BBS12: variants seen among roughly 807,000 people sequenced by gnomAD.
BBS12 encodes chaperonin-containing T-complex member BBS12.
In BBS12, 5 loss-of-function variants were observed where a neutral mutation model predicts 5.6. That is an observed-to-expected ratio of 0.89 (90% CI 0.46 to 1.86). BBS12 has a LOEUF of 1.86. Ranked by LOEUF, BBS12 falls within the 40% of genes most tolerant of loss-of-function variation. BBS12 has a pLI of 0.01. For synonymous variants in BBS12, 308 were observed against 306.8 expected (o/e 1.00, Z -0.04); for missense variants, 748 against 830.4 (o/e 0.90, Z 1.22).
intron 1 of BBS12, among the ~76,000 whole-genome samples, chr4:122,736,209 C>A (rs1449711939): frequency 2.0e-5 from 3 of 152,036 alleles, no homozygotes; most frequent in African/African-American, 7.2e-5. Context: ...AATGGGTAGG[C>A]CTTGCAAGAT....
the BBS12 span, among the ~76,000 whole-genome samples, chr4:122,725,187 C>T: frequency 2.0e-5 from 3 of 152,004 alleles, no homozygotes; most frequent in African/African-American, 7.3e-5. Flanking sequence ...GATCATACTG[C>T]CAAAAGCAAT....
the BBS12 span, among the ~76,000 whole-genome samples, chr4:122,708,430 G>C: frequency 6.6e-6 from 1 of 152,090 alleles, no homozygotes; most frequent in African/African-American, 2.4e-5. Context: ...CTGGACACCA[G>C]CATACACACT....
At chr4:122,726,508 A>C in the BBS12 span, among the ~76,000 whole-genome samples, 1 of 152,220 alleles carries the variant, frequency 6.6e-6, no homozygotes, top group East Asian at 1.9e-4. Context: ...TATGGAAAAA[A>C]CTGTGGAGAT....
chr4:122,716,736 C>CAT, the BBS12 span, among the ~76,000 whole-genome samples: 331 of 52,162 alleles, frequency 6.3e-3, 21 homozygotes, highest in African/African-American at 0.046. Flanking sequence ...TACACACACA[C>CAT]GTGTGTGTGT....
upstream of BBS12, chr4:122,732,432 G>C (rs1443639130): frequency 6.6e-6 from 1 of 152,356 alleles, no homozygotes; most frequent in African/African-American, 2.4e-5. Flanking sequence ...GTCCCCAGCC[G>C]GCAGCCGGCG....
the BBS12 span, among the ~76,000 whole-genome samples, chr4:122,716,621 A>ACATATGTATG: frequency 2.5e-5 from 2 of 81,244 alleles, no homozygotes; most frequent in African/African-American, 1.4e-4. Context: ...GTGTATATGC[A>ACATATGTATG]CATACACATA....
the BBS12 span, among the ~76,000 whole-genome samples, chr4:122,726,225 C>T: frequency 1.3e-5 from 2 of 151,460 alleles, no homozygotes; most frequent in Admixed American, 1.3e-4. Flanking sequence ...AACAAATTAG[C>T]AAGAAAAAAA....
chr4:122,742,918 T>A lies in BBS12; in HGVS notation c.1026T>A (p.Asn342Lys). ...ATATCACTGTTGTGTCAGTATCTAATAATCCTGTGATCAAGGAATTGCAGA... is the reference window on the plus strand; with the variant it reads ...ATATCACTGTTGTGTCAGTATCTAAAAATCCTGTGATCAAGGAATTGCAGA... ...PGYITVVSVS[N>K]NPVIKELQNQ... Residue 342 changes from asparagine (N) to lysine (K), a missense_variant, in exon 2 of 2, where the codon AAT becomes AAA. Physicochemically the swap from Asn to Lys is moderately conservative, Grantham distance 94. Coordinates refer to ENST00000314218, the MANE Select transcript of BBS12 (RefSeq NM_152618.3). 1.9e-6 allele frequency: 3 copies of A among 1,614,254 alleles called. No individual in the cohort carries two copies. The highest frequency in any genetic ancestry group is 2.5e-6 in the Non-Finnish European group (3 of 1,180,048).
chr4:122,706,185 T>G, the BBS12 span, among the ~76,000 whole-genome samples: 4 of 152,082 alleles, frequency 2.6e-5, no homozygotes, highest in Non-Finnish European at 5.9e-5. Context: ...TTTCTCTCTC[T>G]CTGTCTCTCT....
At chr4:122,724,023 G>A in the BBS12 span, among the ~76,000 whole-genome samples, 1 of 152,170 alleles carries the variant, frequency 6.6e-6, no homozygotes, top group Non-Finnish European at 1.5e-5. Flanking sequence ...AGAACTCTTA[G>A]TTGGTTCCTT....
the BBS12 span, among the ~76,000 whole-genome samples, chr4:122,722,718 T>C: frequency 2.0e-5 from 3 of 152,316 alleles, no homozygotes; most frequent in African/African-American, 7.2e-5. Flanking sequence ...ATGTTTGTAT[T>C]TGCATCACAA....
the BBS12 span, among the ~76,000 whole-genome samples, chr4:122,716,249 T>A: frequency 6.6e-6 from 1 of 152,190 alleles, no homozygotes; most frequent in Non-Finnish European, 1.5e-5. Context: ...TTAAATACAA[T>A]TGAATTTTGT....
the BBS12 span, among the ~76,000 whole-genome samples, chr4:122,719,562 A>C: frequency 6.6e-6 from 1 of 151,918 alleles, no homozygotes; most frequent in Admixed American, 6.6e-5. Context: ...AGGAACAAAC[A>C]ACTCCGGACG....
At chr4:122,737,346 T>C (rs892369413) in intron 1 of BBS12, among the ~76,000 whole-genome samples, 8 of 152,216 alleles carry the variant, frequency 5.3e-5, no homozygotes, top group African/African-American at 1.9e-4. Flanking sequence ...ATATAGTAGT[T>C]AATAGCATAG....
chr4:122,708,040 C>G, the BBS12 span, among the ~76,000 whole-genome samples: 2 of 145,766 alleles, frequency 1.4e-5, no homozygotes, highest in Non-Finnish European at 3.0e-5. Flanking sequence ...TTTACAAGGT[C>G]CTGCTCTTTT....
chr4:122,743,261 A>G lies in BBS12; in HGVS notation c.1369A>G (p.Ile457Val), dbSNP rs749383671. The change falls in exon 2 of 2, where the codon ATT becomes GTT. Residue 457 changes from isoleucine (I) to valine (V), a missense_variant. Transcript: ENST00000314218. The stretch of plus-strand genomic sequence containing the variant: ...TGCAGGAGCAGTACAGGTGGCCTAC[A>G]TTACACAAGTGAATGAAGATTGTGT... ...EAAGAVQVAY[I>V]TQVNEDCVGD... The G allele has an allele frequency of 2.5e-6, 4 of 1,614,222 alleles. No individual in the cohort carries two copies. The highest frequency in any genetic ancestry group is 2.5e-6 in the Non-Finnish European group (3 of 1,180,038).
In BBS12 at chr4:122,743,461, C is replaced by G. The variant is rs1800926454; in HGVS notation, c.1569C>G (p.Ala523=). The change falls in exon 2 of 2, where the codon GCC becomes GCG. Residue 523 remains alanine, a synonymous_variant. Transcript: ENST00000314218. The part of the protein sequence containing the change: ...QIKEDRFWTC[A]YRLYYALKEE... ...AAGAAGATAGGTTCTGGACATGTGC[C>G]TATCGTTTGTATTATGCTCTAAAAG... is the stretch of plus-strand genomic sequence containing the variant. 1 of 1,614,196 alleles carries G rather than the reference C, an allele frequency of 6.2e-7. No individual in the cohort carries two copies. The highest frequency in any genetic ancestry group is 1.1e-5 in the South Asian group (1 of 91,078).
In BBS12 at chr4:122,744,065, A is replaced by T; in HGVS notation, c.*40A>T. The T allele has an allele frequency of 6.4e-7, 1 of 1,568,732 alleles. No individual in the cohort carries two copies. Among genetic ancestry groups the T allele is most frequent in the Non-Finnish European group, 8.8e-7 (1 of 1,140,164 alleles). Reference sequence around the variant, plus strand: ...TCTTTGGAAAATAATTTTTCATAATATGTCATGCTAATAATAAATATATTG... The same window carrying T: ...TCTTTGGAAAATAATTTTTCATAATTTGTCATGCTAATAATAAATATATTG... On this transcript the variant is annotated 3_prime_UTR_variant, in exon 2 of 2. Transcript: ENST00000314218.
chr4:122,721,056 A>G, the BBS12 span, among the ~76,000 whole-genome samples: 5 of 152,160 alleles, frequency 3.3e-5, no homozygotes, highest in Non-Finnish European at 7.4e-5. Context: ...TGCTAAAAGA[A>G]AAAAGAACTT....
Sources: allele counts gnomAD v4.1 joint callset (sites outside exome capture counted in the v4.1 genomes callset), GRCh38; gene constraint gnomAD v4.1.1; transcripts MANE v1.5; gene names NCBI Gene and HGNC (gene_info 2026-07-23, HGNC 2026-07-21).